FAM135A: variants seen among roughly 807,000 people sequenced by gnomAD.
FAM135A encodes the protein protein FAM135A.
In FAM135A, 79 loss-of-function variants were observed where a neutral mutation model predicts 146.8. That is an observed-to-expected ratio of 0.54 (90% CI 0.45 to 0.65). FAM135A has a LOEUF of 0.65. FAM135A is among the 30% of genes least tolerant of loss of function. The probability of loss-of-function intolerance (pLI) is 0.00; values close to 1 mark genes in which losing one functional copy is unlikely to be tolerated. For missense variants in FAM135A, 1,623 were observed against 1,758.2 expected (o/e 0.92, Z 1.38); for synonymous variants, 562 against 603.6 (o/e 0.93, Z 1.01).
At chr6:70,532,693 G>A (rs1796050561) in intron 16 of FAM135A, among the ~76,000 whole-genome samples, 1 of 152,210 alleles carries the variant, frequency 6.6e-6, no homozygotes, top group Admixed American at 6.5e-5. Flanking sequence ...AGCACTTTGG[G>A]AGGCCAAGGC....
chr6:70,440,134 A>T (rs897661030), intron 4 of FAM135A, among the ~76,000 whole-genome samples: 1 of 152,220 alleles, frequency 6.6e-6, no homozygotes, highest in African/African-American at 2.4e-5. Context: ...CATTTTCCAA[A>T]ATTTAAAATT....
chr6:70,482,220 C>CAGCTTA, intron 10 of FAM135A, 66 bp downstream of exon 10: 2 of 1,497,608 alleles, frequency 1.3e-6, no homozygotes, highest in South Asian at 2.6e-5. Context: ...ATATTGCTAG[C>CAGCTTA]TATCAGCTTT....
chr6:70,476,932 T>A (rs916071212), intron 7 of FAM135A, among the ~76,000 whole-genome samples: 2 of 152,152 alleles, frequency 1.3e-5, no homozygotes, highest in African/African-American at 4.8e-5. Context: ...GAAAAAATAG[T>A]TCATATCATG....
chr6:70,494,741 A>G (rs1786832800), intron 11 of FAM135A, among the ~76,000 whole-genome samples: 1 of 152,170 alleles, frequency 6.6e-6, no homozygotes, highest in Non-Finnish European at 1.5e-5. Flanking sequence ...CTGCGGTATC[A>G]TGATCCCTAG....
intron 18 of FAM135A, among the ~76,000 whole-genome samples, chr6:70,534,180 A>G (rs1008201468): frequency 2.6e-5 from 4 of 151,972 alleles, no homozygotes; most frequent in Non-Finnish European, 4.4e-5. Flanking sequence ...AACTCTGTGA[A>G]TATATTTTAA....
At chr6:70,514,100 C>T (rs1449533388) in intron 12 of FAM135A, among the ~76,000 whole-genome samples, 2 of 151,588 alleles carry the variant, frequency 1.3e-5, no homozygotes, top group African/African-American at 4.8e-5. Context: ...ATATTTTCTG[C>T]CCCATTTCTT....
chr6:70,499,130 A>G (rs1787954837), intron 11 of FAM135A, among the ~76,000 whole-genome samples: 1 of 152,296 alleles, frequency 6.6e-6, no homozygotes, highest in Non-Finnish European at 1.5e-5. Flanking sequence ...GTAGGTCTCT[A>G]ATAACTTGCT....
rs183666559 is a variant in FAM135A, at chr6:70,536,303, C to G, written c.4009C>G (p.Leu1337Val). Residue 1337 changes from leucine (L) to valine (V), a missense_variant, in exon 19 of 22, where the codon CTT (leucine) becomes GTT (valine). Physicochemically the swap from Leu to Val is conservative, Grantham distance 32 (BLOSUM62 1). This residue lies in a region of FAM135A where 1,061 missense variants were observed against 1,113.8 expected (regional missense o/e 0.95). Coordinates refer to ENST00000418814, the MANE Select transcript of FAM135A (RefSeq NM_001162529.3). Reference protein sequence around the residue: ...SLGNLIIRSVLTRPRFKYYLN... With the variant: ...SLGNLIIRSVVTRPRFKYYLN... ...GGGCAATTTAATAATTCGTTCAGTG[C>G]TTACAAGGCCAAGGTTTAAATATTA... 1 of 1,612,806 alleles carries G rather than the reference C, an allele frequency of 6.2e-7. No individual in the cohort carries two copies. The highest frequency in any genetic ancestry group is 1.3e-5 in the African/African-American group (1 of 74,958).
intron 20 of FAM135A, among the ~76,000 whole-genome samples, chr6:70,555,613 C>T (rs1800690856): frequency 6.6e-6 from 1 of 152,066 alleles, no homozygotes; most frequent in Non-Finnish European, 1.5e-5. Flanking sequence ...TCTTAGATGA[C>T]TCCAGGGGTA....
chr6:70,516,386 T>G (rs1467510733), intron 12 of FAM135A, among the ~76,000 whole-genome samples: 1 of 152,118 alleles, frequency 6.6e-6, no homozygotes, highest in Admixed American at 6.5e-5. Flanking sequence ...TTTTTGAAAT[T>G]TATACTTTAA....
At chr6:70,422,982 A>G (rs1331483224) in intron 2 of FAM135A, among the ~76,000 whole-genome samples, 2 of 152,200 alleles carry the variant, frequency 1.3e-5, no homozygotes, top group Admixed American at 6.5e-5. Flanking sequence ...GAGATATGGT[A>G]TGCCAGGAAT....
intron 14 of FAM135A, 50 bp from the exon 15 acceptor site, chr6:70,524,293 A>C: frequency 6.9e-7 from 1 of 1,442,678 alleles, no homozygotes; most frequent in Non-Finnish European, 9.1e-7. Flanking sequence ...TAATCATATG[A>C]GTTCTCACAC....
chr6:70,482,576 C>T (rs1328751999), intron 10 of FAM135A, among the ~76,000 whole-genome samples: 1 of 152,216 alleles, frequency 6.6e-6, no homozygotes, highest in East Asian at 1.9e-4. Flanking sequence ...ATAGTTATCT[C>T]AGATCTCAAA....
At chr6:70,515,801 A>G (rs1037614384) in intron 12 of FAM135A, among the ~76,000 whole-genome samples, 4 of 152,150 alleles carry the variant, frequency 2.6e-5, no homozygotes, top group Non-Finnish European at 5.9e-5. Flanking sequence ...AAACAAATGT[A>G]CCACAGTAAC....
At position 70,415,342 on chromosome 6, in the gene FAM135A, CACAA is replaced by C. The variant is rs1474508477; in HGVS notation, c.-162_-159del. The C allele has an allele frequency of 6.6e-6, 1 of 152,028 alleles. No homozygotes were observed. Among genetic ancestry groups the C allele is most frequent in the Admixed American group, 6.5e-5 (1 of 15,280 alleles). 9.4% of individuals were successfully genotyped at this position (152,028 alleles called of 1,614,324 possible). A position where few individuals can be genotyped will look rare whatever the true frequency, so the allele number is the denominator to read the frequency against. On this transcript the variant is annotated 5_prime_UTR_variant, in exon 2 of 22. The change abolishes the stop of an existing upstream ORF in the 5' untranslated region. Transcript: ENST00000418814. ...TTGGTTCTGGAATCTCAAAGCAGTC[CACAA>C]ACAAATTCTTCCTTATGTTGTCTGT... is the stretch of plus-strand genomic sequence containing the variant.
intron 19 of FAM135A, among the ~76,000 whole-genome samples, chr6:70,536,934 ATTT>A (rs780326510): frequency 4.7e-5 from 6 of 128,918 alleles, no homozygotes; most frequent in African/African-American, 5.7e-5. Context: ...TGGTACTTTG[ATTT>A]TTTTTTTTTT....
At chr6:70,513,985 T>A (rs951898159) in intron 12 of FAM135A, among the ~76,000 whole-genome samples, 5 of 148,042 alleles carry the variant, frequency 3.4e-5, no homozygotes, top group Non-Finnish European at 7.6e-5. Context: ...TTTTTGTTGT[T>A]GTTTGTTTTT....
intron 4 of FAM135A, among the ~76,000 whole-genome samples, chr6:70,450,232 G>C (rs1300797399): frequency 6.6e-6 from 1 of 151,912 alleles, no homozygotes; most frequent in African/African-American, 2.4e-5. Context: ...TCTTCACTCT[G>C]TTAATTGTTT....
intron 5 of FAM135A, among the ~76,000 whole-genome samples, chr6:70,465,998 C>T (rs1780408713): frequency 6.6e-6 from 1 of 152,170 alleles, no homozygotes; most frequent in South Asian, 2.1e-4. Flanking sequence ...AGTTCACCCC[C>T]ATATTGTAAG....
Sources: allele counts gnomAD v4.1 joint callset (sites outside exome capture counted in the v4.1 genomes callset), GRCh38; gene constraint gnomAD v4.1.1; regional missense constraint gnomAD v4.1.1; transcripts MANE v1.5; gene names NCBI Gene and HGNC (gene_info 2026-07-23, HGNC 2026-07-21).